Variants in RIPOR2 observed in about 807,000 individuals in gnomAD.
RIPOR2 encodes the protein rho family-interacting cell polarization regulator 2.
RIPOR2 carries 39 observed loss-of-function variants against 114.5 expected under a neutral mutation model. That is an observed-to-expected ratio of 0.34 (90% CI 0.26 to 0.44). The LOEUF (loss-of-function observed/expected upper bound fraction) is 0.44, where lower values mean the gene tolerates loss of function less well. Among genes scored for constraint, RIPOR2 ranks in the 20% least tolerant of loss-of-function variants. The pLI, the probability that RIPOR2 is intolerant of heterozygous loss-of-function variation, is 1.00. For synonymous variants in RIPOR2, 445 were observed against 484.4 expected, an observed-to-expected ratio of 0.92 and a Z score of 1.07; for missense variants, 1,007 against 1,255.1, an observed-to-expected ratio of 0.80 and a Z score of 2.99.
At chr6:24,827,167 G>A (rs1335764272) in intron 18 of RIPOR2, among the ~76,000 whole-genome samples, 1 of 152,148 alleles carries the variant, frequency 6.6e-6, no homozygotes, top group Admixed American at 6.5e-5. Context: ...ATAAGACTTT[G>A]TGGTCCTAAA....
intron 1 of RIPOR2, chr6:24,877,389 T>C (rs1008730847): frequency 5.1e-6 from 5 of 983,602 alleles, no homozygotes; most frequent in Non-Finnish European, 6.0e-6. Flanking sequence ...GCTACAGGTA[T>C]GGCAATCGGC....
At chr6:24,884,785 A>G (rs1284433891) in intron 1 of RIPOR2, among the ~76,000 whole-genome samples, 3 of 152,236 alleles carry the variant, frequency 2.0e-5, no homozygotes, top group Non-Finnish European at 2.9e-5. Context: ...CTACTTGGAC[A>G]TGTAGACTGA....
chr6:24,890,659 T>A (rs1401846573), intron 1 of RIPOR2, among the ~76,000 whole-genome samples: 1 of 147,534 alleles, frequency 6.8e-6, no homozygotes, highest in Non-Finnish European at 1.5e-5. Flanking sequence ...ATTTTTTTCT[T>A]TTTTTTTTTT....
Position 24,934,268 on chromosome 6 carries a change from T to C in RIPOR2, c.61+1570A>G, listed in dbSNP as rs1771608334. On this transcript the variant is annotated intron_variant, in intron 1 of 21. Transcript: ENST00000643898. ...AAGGTGTTTGCTTAAAGAGGAAACA[T>C]CTTTAAGAAGTGAAAGCTGAAGAAT... 2.6e-5 allele frequency among the ~76,000 whole-genome samples: 4 copies of C among 152,324 alleles called. No individual in the cohort carries two copies. The South Asian group carries it at 8.3e-4, about 32-fold the overall frequency.
intron 1 of RIPOR2, among the ~76,000 whole-genome samples, chr6:24,935,364 GAC>G (rs1257357022): frequency 8.1e-5 from 10 of 123,944 alleles, no homozygotes; most frequent in East Asian, 2.4e-4. Flanking sequence ...GAGAAAGATA[GAC>G]AGAGAGAGAG....
Position 25,029,424 on chromosome 6 carries a change from AAAAAAAAAAG to A in RIPOR2, c.76+12417_76+12426del, listed in dbSNP as rs1448152642. Among the ~76,000 whole-genome samples the A allele has an allele frequency of 1.5e-4, 23 of 151,302 alleles. No homozygotes were observed. The South Asian group carries it at 3.8e-3, about 25-fold the overall frequency. On this transcript the variant is annotated intron_variant, in intron 1 of 13. Coordinates refer to the RIPOR2 transcript ENST00000510784. ...CGTCTCAAAAAAGAAAAAAAAAAAAAAAAAAAAAAGAAGAAGAAGTAATGAAAAAAGGGGT... is the reference window on the plus strand; with the variant it reads ...CGTCTCAAAAAAGAAAAAAAAAAAAAAAGAAGAAGTAATGAAAAAAGGGGT...
chr6:24,819,656 CA>C (rs1759492940), intron 19 of RIPOR2, among the ~76,000 whole-genome samples: 1 of 72,662 alleles, frequency 1.4e-5, no homozygotes, highest in African/African-American at 3.9e-5. Context: ...CCACCACGCC[CA>C]GCTAATTTTT....
chr6:25,042,002 T>A (rs1369093223), exon 1 of RIPOR2: 24 of 552,712 alleles, frequency 4.3e-5, no homozygotes, highest in Non-Finnish European at 7.7e-5. Context: ...GGAAGTTAAG[T>A]CCAGACGTAT....
intron 1 of RIPOR2, among the ~76,000 whole-genome samples, chr6:24,979,125 G>A (rs59837542): frequency 0.063 from 9,559 of 152,044 alleles, 1,005 homozygotes; most frequent in African/African-American, 0.21. Context: ...ATGAGATAAT[G>A]AGAAACAATG....
intron 1 of RIPOR2, among the ~76,000 whole-genome samples, chr6:24,946,850 A>G (rs967345253): frequency 1.2e-4 from 19 of 152,252 alleles, no homozygotes; most frequent in African/African-American, 3.9e-4. Flanking sequence ...GAAGGAATAA[A>G]ACAAGGATTT....
At chr6:24,902,375 C>T (rs551225712) in intron 1 of RIPOR2, among the ~76,000 whole-genome samples, 2 of 152,064 alleles carry the variant, frequency 1.3e-5, no homozygotes, top group African/African-American at 2.4e-5. Flanking sequence ...CCACCATGCC[C>T]GGCTAATTTG....
At chr6:24,911,004 G>A (rs1264966212) in intron 1 of RIPOR2, 12 of 984,928 alleles carry the variant, frequency 1.2e-5, no homozygotes, top group Non-Finnish European at 1.2e-5. Flanking sequence ...CCCCAGCGCC[G>A]GCTGCCCTGC....
intron 1 of RIPOR2, among the ~76,000 whole-genome samples, chr6:24,949,195 G>A (rs1263166093): frequency 6.6e-6 from 1 of 152,138 alleles, no homozygotes; most frequent in Non-Finnish European, 1.5e-5. Flanking sequence ...ACAAACAAGG[G>A]TGTAGACCAA....
At chr6:24,820,454 C>T (rs1313344077) in intron 19 of RIPOR2, among the ~76,000 whole-genome samples, 1 of 152,192 alleles carries the variant, frequency 6.6e-6, no homozygotes, top group Non-Finnish European at 1.5e-5. Flanking sequence ...CAAATCATCC[C>T]CATCATCTGA....
chr6:24,941,406 T>C (rs532593372), intron 1 of RIPOR2, among the ~76,000 whole-genome samples: 2 of 152,056 alleles, frequency 1.3e-5, no homozygotes. Context: ...AGGCACTGGT[T>C]CTGGGATTTG....
At chr6:24,830,163 G>A (rs1489699092) in intron 17 of RIPOR2, among the ~76,000 whole-genome samples, 2 of 152,014 alleles carry the variant, frequency 1.3e-5, no homozygotes, top group Admixed American at 6.6e-5. Flanking sequence ...ATGGAGTTTT[G>A]TCATGTTGGC....
intron 1 of RIPOR2, among the ~76,000 whole-genome samples, chr6:24,994,675 G>C (rs573293973): frequency 3.3e-5 from 5 of 152,180 alleles, no homozygotes; most frequent in African/African-American, 1.2e-4. Context: ...GCCACCATAA[G>C]GCAAAGTTTT....
chr6:24,935,311 AAAC>A (rs201891448), intron 1 of RIPOR2, among the ~76,000 whole-genome samples: 19,610 of 114,384 alleles, frequency 0.17, 2,284 homozygotes, highest in African/African-American at 0.27. Flanking sequence ...CTGTCTCAAA[AAAC>A]AACAACAAAA....
chr6:24,944,490 G>A (rs1772308398), intron 1 of RIPOR2, among the ~76,000 whole-genome samples: 1 of 152,138 alleles, frequency 6.6e-6, no homozygotes, highest in Non-Finnish European at 1.5e-5. Context: ...CCTTGGGGGA[G>A]TAGGGAGAAT....
Sources: gnomAD v4.1 joint callset for allele counts (sites outside exome capture counted in the v4.1 genomes callset) on GRCh38, gnomAD v4.1.1 for gene constraint, MANE v1.5 for transcripts, NCBI Gene and HGNC (gene_info 2026-07-23, HGNC 2026-07-21) for gene names.